Variants in RBFOX3 observed in about 807,000 individuals in gnomAD.
RBFOX3 encodes RNA binding protein fox-1 homolog 3.
A neutral mutation model predicts 48.7 loss-of-function variants in RBFOX3; 17 were observed. The ratio of observed to expected loss-of-function variants is 0.35; its 90% CI spans 0.24 to 0.52. The LOEUF is 0.52. RBFOX3 is among the 20% of genes least tolerant of loss of function. The pLI, the probability that RBFOX3 is intolerant of heterozygous loss-of-function variation, is 0.94. For missense variants in RBFOX3, 382 were observed against 497.5 expected (o/e 0.77, Z 2.21); for synonymous variants, 212 against 209.5 (o/e 1.01, Z -0.10).
chr17:79,405,680 C>A (rs1007604118), intron 2 of RBFOX3, among the ~76,000 whole-genome samples: 2 of 152,134 alleles, frequency 1.3e-5, no homozygotes, highest in African/African-American at 4.8e-5. Flanking sequence ...GAGATCATAC[C>A]GCTGCTCTCC....
rs1012987516 is a variant in RBFOX3 at position 79,526,250 on chromosome 17, C to T, written c.-319-43652G>A. Among the ~76,000 whole-genome samples, 290 of 152,316 alleles carry T rather than the reference C, an allele frequency of 1.9e-3. 2 individuals carry two copies. The highest frequency in any genetic ancestry group is 6.7e-3 in the African/African-American group (280 of 41,564). ...TCTCAGGTGGTCACCCACAGAGGCT[C>T]AGCCAGAGCGGCCCTGAACCCTGCC... is the stretch of plus-strand genomic sequence containing the variant. On this transcript the variant is annotated intron_variant, in intron 1 of 14. Transcript: ENST00000693108.
chr17:79,626,447 A>G, the RBFOX3 span, among the ~76,000 whole-genome samples: 2 of 152,230 alleles, frequency 1.3e-5, no homozygotes, highest in African/African-American at 2.4e-5. Context: ...TCTGCAGGGA[A>G]GGAATGGGCT....
chr17:79,322,920 G>A (rs998842626), intron 2 of RBFOX3, among the ~76,000 whole-genome samples: 1 of 152,254 alleles, frequency 6.6e-6, no homozygotes, highest in Non-Finnish European at 1.5e-5. Flanking sequence ...ACCCAGACAA[G>A]CGTATTGGAT....
At chr17:79,387,413 G>T (rs1226537817) in intron 2 of RBFOX3, among the ~76,000 whole-genome samples, 20 of 152,204 alleles carry the variant, frequency 1.3e-4, no homozygotes, top group Admixed American at 1.2e-3. Flanking sequence ...ACTCATCAGA[G>T]ACCCTGAAAA....
chr17:79,572,684 C>G (rs904816217), intron 1 of RBFOX3, among the ~76,000 whole-genome samples: 1 of 152,198 alleles, frequency 6.6e-6, no homozygotes, highest in Non-Finnish European at 1.5e-5. Flanking sequence ...GGCAGCCAGC[C>G]TGTCTGATTA....
intron 4 of RBFOX3, among the ~76,000 whole-genome samples, chr17:79,168,975 C>T (rs2048585485): frequency 6.6e-6 from 1 of 152,236 alleles, no homozygotes; most frequent in South Asian, 2.1e-4. Context: ...TGATACATGC[C>T]TGCCACCCTT....
chr17:79,279,478 C>G (rs1444454105), intron 3 of RBFOX3, among the ~76,000 whole-genome samples: 1 of 152,142 alleles, frequency 6.6e-6, no homozygotes, highest in Non-Finnish European at 1.5e-5. Flanking sequence ...TGGCCCGGCC[C>G]GGCACGGTAC....
chr17:79,566,216 C>T (rs924714760), intron 1 of RBFOX3, among the ~76,000 whole-genome samples: 2 of 152,160 alleles, frequency 1.3e-5, no homozygotes, highest in East Asian at 3.9e-4. Context: ...AATCAGCTTT[C>T]ATTTGTTATT....
intron 2 of RBFOX3, among the ~76,000 whole-genome samples, chr17:79,456,553 C>A (rs1291696337): frequency 6.6e-6 from 1 of 152,202 alleles, no homozygotes; most frequent in Non-Finnish European, 1.5e-5. Flanking sequence ...GTCTCTCTGC[C>A]TCTGACCTAG....
chr17:79,523,718 C>T (rs2086430254), intron 1 of RBFOX3, among the ~76,000 whole-genome samples: 1 of 152,194 alleles, frequency 6.6e-6, no homozygotes, highest in South Asian at 2.1e-4. Flanking sequence ...CCTCGGGACT[C>T]ACAACCCCGT....
intron 14 of RBFOX3, among the ~76,000 whole-genome samples, chr17:79,093,949 G>GC (rs2074585331): frequency 6.6e-6 from 1 of 152,170 alleles, no homozygotes; most frequent in Non-Finnish European, 1.5e-5. Flanking sequence ...GAAGCCAGGA[G>GC]CTAGAGCCTG....
At chr17:79,617,003 A>T in the RBFOX3 span, among the ~76,000 whole-genome samples, 1 of 152,116 alleles carries the variant, frequency 6.6e-6, no homozygotes, top group Non-Finnish European at 1.5e-5. Context: ...ACCCAGCCTC[A>T]GCCTCAGCTG....
In RBFOX3 at chr17:79,392,351, G is replaced by A. The variant is rs776384457; in HGVS notation, c.-174-84527C>T. 6.6e-6 allele frequency among the ~76,000 whole-genome samples: 1 copy of A among 152,222 alleles called. No homozygotes were observed. Among genetic ancestry groups the A allele is most frequent in the Non-Finnish European group, 1.5e-5 (1 of 68,042 alleles). ...TTACTAGCTGTGTGATCCTGGGCAC[G>A]TGATTTCACCGTCTTTCATTGTGGA... On this transcript the variant is annotated intron_variant, in intron 2 of 14. Coordinates refer to ENST00000693108, the MANE Select transcript of RBFOX3 (RefSeq NM_001350451.2). The surrounding 1 kb of genome is among the most constrained non-coding windows in gnomAD (Gnocchi z 5.0).
chr17:79,193,462 C>T (rs138913501), intron 4 of RBFOX3, among the ~76,000 whole-genome samples: 3 of 152,304 alleles, frequency 2.0e-5, no homozygotes, highest in Middle Eastern at 6.8e-3. Flanking sequence ...CAACCCCCTA[C>T]TGCTGTTTTA....
Position 79,215,191 on chromosome 17 carries a change from T to C in RBFOX3, c.-34+20575A>G, listed in dbSNP as rs184858458. 8.5e-5 allele frequency among the ~76,000 whole-genome samples: 13 copies of C among 152,266 alleles called. No individual in the cohort carries two copies. The East Asian group carries it at 2.5e-3, about 30-fold the overall frequency. ...AGGGAGGTGCTGGCCCCCGCAGGGCTCCCGGCTGAAGCTCCCAGGCCCCAG... is the reference window on the plus strand; with the variant it reads ...AGGGAGGTGCTGGCCCCCGCAGGGCCCCCGGCTGAAGCTCCCAGGCCCCAG... On this transcript the variant is annotated intron_variant, in intron 4 of 14. Coordinates refer to ENST00000693108, the MANE Select transcript of RBFOX3 (RefSeq NM_001350451.2).
intron 1 of RBFOX3, among the ~76,000 whole-genome samples, chr17:79,485,555 C>T (rs797023809): frequency 9.2e-5 from 14 of 152,292 alleles, no homozygotes; most frequent in African/African-American, 3.4e-4. Context: ...AGCCTAGATT[C>T]CACATCCCCC....
At chr17:79,264,374 C>T (rs995183993) in intron 3 of RBFOX3, among the ~76,000 whole-genome samples, 83 of 147,422 alleles carry the variant, frequency 5.6e-4, no homozygotes, top group Admixed American at 1.9e-3. Flanking sequence ...CCAAGCCTGG[C>T]TTTTTTTTTT....
At chr17:79,358,732 A>T (rs2085716003) in intron 2 of RBFOX3, among the ~76,000 whole-genome samples, 1 of 152,156 alleles carries the variant, frequency 6.6e-6, no homozygotes, top group African/African-American at 2.4e-5. Context: ...AAGTGCTGGG[A>T]TTACAGGTGT....
chr17:79,143,660 C>T (rs2042396792), intron 4 of RBFOX3, among the ~76,000 whole-genome samples: 1 of 152,326 alleles, frequency 6.6e-6, no homozygotes, highest in East Asian at 1.9e-4. Context: ...CGTGCAGGAG[C>T]TCCCTAGGGA....
Sources: gnomAD v4.1 joint callset for allele counts (sites outside exome capture counted in the v4.1 genomes callset) on GRCh38, gnomAD v4.1.1 for gene constraint, Gnocchi (gnomAD v3.1) non-coding constraint, MANE v1.5 for transcripts, NCBI Gene and HGNC (gene_info 2026-07-23, HGNC 2026-07-21) for gene names.